KCNK13: variants seen among roughly 807,000 people sequenced by gnomAD.
KCNK13 encodes potassium channel subfamily K member 13.
A neutral mutation model predicts 23.4 loss-of-function variants in KCNK13; 12 were observed. The ratio of observed to expected loss-of-function variants is 0.51; its 90% CI spans 0.33 to 0.83. The LOEUF (loss-of-function observed/expected upper bound fraction) is 0.83. Ranked by LOEUF, KCNK13 falls within the 40% of genes least tolerant of loss-of-function variation. The pLI is 0.02. For missense variants in KCNK13, 463 were observed against 556.3 expected (o/e 0.83, Z 1.69); for synonymous variants, 231 against 229.5 (o/e 1.01, Z -0.06).
chr14:90,150,023 T>C (rs1890117233), intron 1 of KCNK13, among the ~76,000 whole-genome samples: 1 of 152,094 alleles, frequency 6.6e-6, no homozygotes, highest in African/African-American at 2.4e-5. Flanking sequence ...GAGCTATGGC[T>C]ACCAGAGGGG....
In KCNK13 at chr14:90,092,483, A is replaced by C. The variant is rs575624676; in HGVS notation, c.334+29944A>C. Among the ~76,000 whole-genome samples, 10 of 152,338 alleles carry C rather than the reference A, an allele frequency of 6.6e-5. No individual in the cohort carries two copies. In the South Asian group the frequency reaches 2.1e-3, roughly 32 times the overall value. On this transcript the variant is annotated intron_variant, in intron 1 of 1. Coordinates refer to ENST00000282146, the MANE Select transcript of KCNK13 (RefSeq NM_022054.4). The stretch of plus-strand genomic sequence containing the variant: ...AAGAAAGAACAACACTGAGGTTTGC[A>C]GGCAAGACATAAGGAAACATGGAGG...
chr14:90,143,146 A>ACTTACTTTCTTTCTTT (rs1012392287), intron 1 of KCNK13, among the ~76,000 whole-genome samples: 3 of 115,752 alleles, frequency 2.6e-5, no homozygotes, highest in Non-Finnish European at 5.3e-5. Flanking sequence ...AAGAGCAGAA[A>ACTTACTTTCTTTCTTT]CTTTCTTTCT....
intron 1 of KCNK13, among the ~76,000 whole-genome samples, chr14:90,109,409 C>CTT (rs557644405): frequency 0.03 from 3,702 of 123,206 alleles, 164 homozygotes; most frequent in African/African-American, 0.062. Context: ...CTTTTCTTTC[C>CTT]TTTTTTTTTT....
At chr14:90,175,002 A>C (rs1166952310) in intron 1 of KCNK13, among the ~76,000 whole-genome samples, 1 of 152,246 alleles carries the variant, frequency 6.6e-6, no homozygotes, top group Admixed American at 6.5e-5. Flanking sequence ...CTCAGAGTTC[A>C]GTCCTCAGCT....
At chr14:90,132,778 TAAAAC>T (rs1889890528) in intron 1 of KCNK13, among the ~76,000 whole-genome samples, 1 of 152,092 alleles carries the variant, frequency 6.6e-6, no homozygotes, top group Non-Finnish European at 1.5e-5. Flanking sequence ...TTACCACAAT[TAAAAC>T]AAAAAGAATA....
chr14:90,152,120 T>C (rs1174679138), intron 1 of KCNK13, among the ~76,000 whole-genome samples: 1 of 152,192 alleles, frequency 6.6e-6, no homozygotes, highest in Non-Finnish European at 1.5e-5. Context: ...TGGGAGGTAA[T>C]TGAATCATGG....
chr14:90,089,597 G>A (rs1889319045), intron 1 of KCNK13, among the ~76,000 whole-genome samples: 1 of 152,238 alleles, frequency 6.6e-6, no homozygotes, highest in South Asian at 2.1e-4. Context: ...ATTTGCATAA[G>A]TAACGAGGAG....
chr14:90,139,953 G>T (rs981204477), intron 1 of KCNK13, among the ~76,000 whole-genome samples: 5 of 152,132 alleles, frequency 3.3e-5, no homozygotes, highest in Non-Finnish European at 7.4e-5. Flanking sequence ...CAGAGCGAGA[G>T]TACGTCTCAA....
rs1467487460 is a variant in KCNK13 at position 90,083,753 on chromosome 14, T to C, written c.334+21214T>C. Among the ~76,000 whole-genome samples, 4 of 152,244 alleles carry C rather than the reference T, an allele frequency of 2.6e-5. No individual in the cohort carries two copies. The South Asian group carries it at 6.2e-4, about 24-fold the overall frequency. On this transcript the variant is annotated intron_variant, in intron 1 of 1. Transcript: ENST00000282146. Reference sequence around the variant, plus strand: ...AAGCCTCAAAATTCTAAGAAGTAAATTTCTGTTCTTTGTAAATTGCCCAGT... The same window carrying C: ...AAGCCTCAAAATTCTAAGAAGTAAACTTCTGTTCTTTGTAAATTGCCCAGT...
intron 1 of KCNK13, among the ~76,000 whole-genome samples, chr14:90,116,088 C>T (rs1490481165): frequency 6.6e-6 from 1 of 152,194 alleles, no homozygotes; most frequent in Non-Finnish European, 1.5e-5. Context: ...TGAGATATGA[C>T]CCATATACTG....
intron 1 of KCNK13, among the ~76,000 whole-genome samples, chr14:90,160,232 G>A (rs1890238691): frequency 1.3e-5 from 2 of 152,118 alleles, no homozygotes; most frequent in African/African-American, 2.4e-5. Context: ...ACCTGCTTTC[G>A]TTGCCTCAAA....
At position 90,110,459 on chromosome 14, in the gene KCNK13, G is replaced by A. The variant is rs1301392158; in HGVS notation, c.334+47920G>A. On this transcript the variant is annotated intron_variant, in intron 1 of 1. Transcript: ENST00000282146. Reference sequence around the variant, plus strand: ...CATGCCACAGCACTCCAGCCTGGGCGACGGAGTGAGTCTTCGTCTCAAAAA... The same window carrying A: ...CATGCCACAGCACTCCAGCCTGGGCAACGGAGTGAGTCTTCGTCTCAAAAA... Among the ~76,000 whole-genome samples, 5 of 148,166 alleles carry A rather than the reference G, an allele frequency of 3.4e-5. No homozygotes were observed. The East Asian group carries it at 6.2e-4, about 18-fold the overall frequency.
chr14:90,097,087 T>C (rs1017436819), intron 1 of KCNK13, among the ~76,000 whole-genome samples: 2 of 152,164 alleles, frequency 1.3e-5, no homozygotes, highest in African/African-American at 4.8e-5. Flanking sequence ...GTTTTCTATA[T>C]TTTGTTCTAC....
At chr14:90,079,945 G>T (rs1411489778) in intron 1 of KCNK13, among the ~76,000 whole-genome samples, 1 of 152,138 alleles carries the variant, frequency 6.6e-6, no homozygotes, top group Non-Finnish European at 1.5e-5. Context: ...AGTGGAGAAG[G>T]AAACAGGTCC....
Position 90,184,969 on chromosome 14 carries a change from A to G in KCNK13, c.1193A>G (p.Asn398Ser). Residue 398 changes from asparagine to serine, a missense_variant, in exon 2 of 2, where the codon AAC becomes AGC. Asn to Ser is a conservative substitution (Grantham distance 46). Transcript: ENST00000282146. The surrounding 1 kb of genome is among the most constrained non-coding windows in gnomAD (Gnocchi z 5.6). ...GGGGTGGGAGCCTTTGCAATCATGA[A>G]CAACAGGTTGGCAGAGACCAGTGGG... ...SGGVGAFAIMNNRLAETSGDR is the reference protein window; with the variant it reads ...SGGVGAFAIMSNRLAETSGDR 2 of 1,606,992 alleles carry G rather than the reference A, an allele frequency of 1.2e-6. No individual in the cohort carries two copies. The highest frequency in any genetic ancestry group is 1.7e-6 in the Non-Finnish European group (2 of 1,176,030).
At chr14:90,170,201 A>G (rs993515113) in intron 1 of KCNK13, among the ~76,000 whole-genome samples, 6 of 152,212 alleles carry the variant, frequency 3.9e-5, no homozygotes, top group Admixed American at 3.3e-4. Context: ...AAAAATTACA[A>G]GCCTCAATCA....
chr14:90,095,951 C>T (rs190451991), intron 1 of KCNK13, among the ~76,000 whole-genome samples: 17 of 152,188 alleles, frequency 1.1e-4, no homozygotes, highest in Non-Finnish European at 2.1e-4. Flanking sequence ...TAGAGTGGCT[C>T]ACAGAACTCA....
intron 1 of KCNK13, among the ~76,000 whole-genome samples, chr14:90,104,791 C>CTTTTTTTTTTT (rs66511223): frequency 2.6e-5 from 3 of 113,512 alleles, no homozygotes; most frequent in East Asian, 2.6e-4. Flanking sequence ...CTTTTCTTTT[C>CTTTTTTTTTTT]TTTTTTTTTT....
At chr14:90,137,942 T>G (rs1354613048) in intron 1 of KCNK13, among the ~76,000 whole-genome samples, 1 of 152,182 alleles carries the variant, frequency 6.6e-6, no homozygotes, top group African/African-American at 2.4e-5. Context: ...CGGTTCTCAA[T>G]GAGGAGTTGC....
Sources: allele counts gnomAD v4.1 joint callset (sites outside exome capture counted in the v4.1 genomes callset), GRCh38; gene constraint gnomAD v4.1.1; non-coding constraint Gnocchi (gnomAD v3.1); transcripts MANE v1.5; gene names NCBI Gene and HGNC (gene_info 2026-07-23, HGNC 2026-07-21).